RAB11FIP3: variants seen among roughly 807,000 people sequenced by gnomAD.
The protein encoded by RAB11FIP3 is RAB11 family interacting protein 3.
In RAB11FIP3, 17 loss-of-function variants were observed where a neutral mutation model predicts 77.8. That is an observed-to-expected ratio of 0.22 (90% confidence interval 0.15 to 0.33). The LOEUF is 0.33. Among genes scored for constraint, RAB11FIP3 ranks in the 10% least tolerant of loss-of-function variants. RAB11FIP3 has a pLI of 1.00. For synonymous variants in RAB11FIP3, 437 were observed against 448.2 expected (o/e 0.98, Z 0.31); for missense variants, 1,005 against 1,011.2 (o/e 0.99, Z 0.08).
chr16:451,872 G>C (rs2055414100), intron 1 of RAB11FIP3, among the ~76,000 whole-genome samples: 1 of 151,740 alleles, frequency 6.6e-6, no homozygotes, highest in African/African-American at 2.4e-5. Context: ...AAAAAGGCCG[G>C]GGCTCGGTGG....
intron 1 of RAB11FIP3, among the ~76,000 whole-genome samples, chr16:428,261 A>G (rs1217722423): frequency 6.6e-6 from 1 of 152,070 alleles, no homozygotes; most frequent in African/African-American, 2.4e-5. Context: ...GTAGTTTTCC[A>G]CCTACACTAA....
chr16:427,385 G>A (rs1428847382), intron 1 of RAB11FIP3, among the ~76,000 whole-genome samples: 2 of 152,246 alleles, frequency 1.3e-5, no homozygotes, highest in Middle Eastern at 3.2e-3. Context: ...AACTCCGTTA[G>A]GGCCACGTCC....
At chr16:444,440 A>G (rs2055277811) in intron 1 of RAB11FIP3, among the ~76,000 whole-genome samples, 1 of 152,206 alleles carries the variant, frequency 6.6e-6, no homozygotes, top group African/African-American at 2.4e-5. Flanking sequence ...ATAATTAAAA[A>G]AGAAATTATG....
chr16:483,657 C>T lies in RAB11FIP3; in HGVS notation c.1115+921C>T, dbSNP rs189951703. 4.6e-4 allele frequency among the ~76,000 whole-genome samples: 70 copies of T among 152,234 alleles called. 1 individual carries two copies. Among genetic ancestry groups the T allele is most frequent in the African/African-American group, 1.7e-3 (69 of 41,552 alleles). ...AAAGTCTGCACCCTGTAGAGAATCTCCTCCCTTCCCAGGTCTTTTCCCTGG... is the reference window on the plus strand; with the variant it reads ...AAAGTCTGCACCCTGTAGAGAATCTTCTCCCTTCCCAGGTCTTTTCCCTGG... On this transcript the variant is annotated intron_variant, in intron 4 of 13. Transcript: ENST00000262305.
At chr16:486,581 C>A (rs1265384011) in intron 4 of RAB11FIP3, among the ~76,000 whole-genome samples, 4 of 152,226 alleles carry the variant, frequency 2.6e-5, no homozygotes, top group Non-Finnish European at 4.4e-5. Flanking sequence ...GCTAGCGCGG[C>A]TCATCTTCTG....
chr16:436,095 G>A (rs994399781), intron 1 of RAB11FIP3, among the ~76,000 whole-genome samples: 3 of 152,162 alleles, frequency 2.0e-5, no homozygotes, highest in Non-Finnish European at 4.4e-5. Context: ...CGACTCACAA[G>A]GTCAGGAGTT....
At chr16:447,465 G>A (rs894624196) in intron 1 of RAB11FIP3, among the ~76,000 whole-genome samples, 1 of 152,152 alleles carries the variant, frequency 6.6e-6, no homozygotes, top group African/African-American at 2.4e-5. Flanking sequence ...GTGGCCGGGC[G>A]CAGTGGCTCA....
chr16:447,599 G>T (rs985053563), intron 1 of RAB11FIP3, among the ~76,000 whole-genome samples: 1 of 152,166 alleles, frequency 6.6e-6, no homozygotes, highest in Non-Finnish European at 1.5e-5. Context: ...TTAGCCGGGC[G>T]TGGTGGCAGG....
At chr16:477,242 G>A (rs1044944233) in intron 3 of RAB11FIP3, among the ~76,000 whole-genome samples, 1 of 152,132 alleles carries the variant, frequency 6.6e-6, no homozygotes, top group Non-Finnish European at 1.5e-5. Context: ...CGACAAGAGC[G>A]AGACTCTATC....
chr16:434,125 ATTTC>A (rs2055087452), intron 1 of RAB11FIP3, among the ~76,000 whole-genome samples: 1 of 152,052 alleles, frequency 6.6e-6, no homozygotes, highest in African/African-American at 2.4e-5. Flanking sequence ...TTATTTAAAA[ATTTC>A]TTTATTTTTT....
At chr16:493,638 G>T (rs910518306) in intron 5 of RAB11FIP3, among the ~76,000 whole-genome samples, 10 of 152,082 alleles carry the variant, frequency 6.6e-5, no homozygotes, top group African/African-American at 2.4e-4. Flanking sequence ...ACAGAGTCTC[G>T]CTTTGTGACC....
intron 1 of RAB11FIP3, among the ~76,000 whole-genome samples, chr16:435,171 C>T (rs900633764): frequency 1.3e-5 from 2 of 150,746 alleles, no homozygotes; most frequent in African/African-American, 2.5e-5. Flanking sequence ...TGCCACTGCA[C>T]TCCAGCCTGG....
chr16:503,012 AC>A lies in RAB11FIP3; in HGVS notation c.1312del (p.Gln438SerfsTer5). ...LSSKKVARYL[H>X]QSGALTMEAL... Reference sequence around the variant, plus strand: ...TTGTGCCTTTTCTGTAGGTACCTGCACCAGTCAGGGGCCCTGACCATGGAGG... The same window carrying A: ...TTGTGCCTTTTCTGTAGGTACCTGCACAGTCAGGGGCCCTGACCATGGAGG... On this transcript the variant is annotated frameshift_variant, in exon 7 of 14. Coordinates refer to ENST00000262305, the MANE Select transcript of RAB11FIP3 (RefSeq NM_014700.4). LOFTEE classifies it high-confidence loss of function. 2 of 1,611,522 alleles carry A rather than the reference AC, an allele frequency of 1.2e-6. No individual in the cohort carries two copies. The highest frequency in any genetic ancestry group is 1.7e-6 in the Non-Finnish European group (2 of 1,178,324).
At chr16:447,476 C>T (rs567771094) in intron 1 of RAB11FIP3, among the ~76,000 whole-genome samples, 8 of 152,264 alleles carry the variant, frequency 5.3e-5, no homozygotes, top group East Asian at 3.9e-4. Context: ...CAGTGGCTCA[C>T]ACCTGTAATC....
chr16:437,584 A>AAG (rs1384330876), intron 1 of RAB11FIP3, among the ~76,000 whole-genome samples: 1 of 151,154 alleles, frequency 6.6e-6, no homozygotes, highest in Non-Finnish European at 1.5e-5. Flanking sequence ...AAAAAAAAAA[A>AAG]AAAAAAAAGT....
intron 1 of RAB11FIP3, among the ~76,000 whole-genome samples, chr16:447,455 G>T (rs1404017874): frequency 6.6e-6 from 1 of 151,990 alleles, no homozygotes; most frequent in African/African-American, 2.4e-5. Context: ...TATATATATT[G>T]TGGCCGGGCG....
chr16:428,415 T>C (rs1210969707), intron 1 of RAB11FIP3, among the ~76,000 whole-genome samples: 5 of 152,172 alleles, frequency 3.3e-5, no homozygotes, highest in Admixed American at 1.3e-4. Flanking sequence ...GCTACTGCGC[T>C]GTCTCTTCTC....
chr16:513,482 GTTGTTGTTGTTGGGATTTT>G (rs2032274825), intron 9 of RAB11FIP3, among the ~76,000 whole-genome samples: 1 of 152,102 alleles, frequency 6.6e-6, no homozygotes, highest in South Asian at 2.1e-4. Flanking sequence ...GCCTCTTTTT[GTTGTTGTTGTTGGGATTTT>G]TTGTTGTTGT....
intron 4 of RAB11FIP3, among the ~76,000 whole-genome samples, chr16:486,388 A>G (rs367953486): frequency 6.6e-6 from 1 of 152,172 alleles, no homozygotes; most frequent in East Asian, 1.9e-4. Context: ...GCTACTCGGG[A>G]GGCTGAGGCA....
Sources: allele counts gnomAD v4.1 joint callset (sites outside exome capture counted in the v4.1 genomes callset), GRCh38; gene constraint gnomAD v4.1.1; transcripts MANE v1.5; gene names NCBI Gene and HGNC (gene_info 2026-07-23, HGNC 2026-07-21).